NWD2: variants seen among roughly 807,000 people sequenced by gnomAD.
NWD2 encodes NACHT and WD repeat domain containing 2.
A neutral mutation model predicts 132.7 loss-of-function variants in NWD2; 37 were observed. The observed-to-expected ratio is 0.28, with a 90% CI of 0.21 to 0.37. The LOEUF (loss-of-function observed/expected upper bound fraction) is 0.37, where lower values mean the gene tolerates loss of function less well. Ranked by LOEUF, NWD2 falls within the 10% of genes least tolerant of loss-of-function variation. The pLI is 1.00. For synonymous variants in NWD2, 705 were observed against 803.0 expected, an observed-to-expected ratio of 0.88 and a Z score of 2.06; for missense variants, 1,592 against 2,122.4, an observed-to-expected ratio of 0.75 and a Z score of 4.91.
At chr4:37,400,936 A>G (rs1720885042) in intron 3 of NWD2, among the ~76,000 whole-genome samples, 1 of 152,236 alleles carries the variant, frequency 6.6e-6, no homozygotes, top group Non-Finnish European at 1.5e-5. Context: ...TCCAAACCAT[A>G]GCACTTGGAA....
chr4:37,400,334 G>A (rs1331140360), intron 3 of NWD2, among the ~76,000 whole-genome samples: 1 of 152,178 alleles, frequency 6.6e-6, no homozygotes, highest in East Asian at 1.9e-4. Context: ...TAGGGCATCT[G>A]GCTCATTCAG....
rs534168287 is a variant in NWD2, at chr4:37,362,467, C to T, written c.357+5985C>T. On this transcript the variant is annotated intron_variant, in intron 3 of 6. Coordinates refer to ENST00000309447, the MANE Select transcript of NWD2 (RefSeq NM_001144990.2). ...AAACAGCATGGTGCTGGTACAAAAACGGACACATAGACAAATGGAACAAAA... is the reference window on the plus strand; with the variant it reads ...AAACAGCATGGTGCTGGTACAAAAATGGACACATAGACAAATGGAACAAAA... Among the ~76,000 whole-genome samples, 46 of 152,302 alleles carry T rather than the reference C, an allele frequency of 3.0e-4. 1 individual carries two copies. The highest frequency in any genetic ancestry group is 3.4e-3 in the Middle Eastern group (1 of 294).
intron 1 of NWD2, among the ~76,000 whole-genome samples, chr4:37,295,065 A>G (rs1417353980): frequency 6.6e-6 from 1 of 152,216 alleles, no homozygotes; most frequent in East Asian, 1.9e-4. Flanking sequence ...GGTGCTGAGC[A>G]TAAAATAAGG....
At chr4:37,262,384 C>G (rs1035029625) in intron 1 of NWD2, among the ~76,000 whole-genome samples, 1 of 152,152 alleles carries the variant, frequency 6.6e-6, no homozygotes. Flanking sequence ...TTCTCCACAC[C>G]TTCATCAGCA....
intron 2 of NWD2, among the ~76,000 whole-genome samples, chr4:37,347,044 A>C (rs1478161968): frequency 1.3e-5 from 2 of 152,084 alleles, no homozygotes; most frequent in Admixed American, 1.3e-4. Context: ...ATCTCAAAGT[A>C]TCCCTTTCAT....
chr4:37,345,799 T>G (rs1182467949), intron 2 of NWD2, among the ~76,000 whole-genome samples: 1 of 152,146 alleles, frequency 6.6e-6, no homozygotes, highest in East Asian at 1.9e-4. Context: ...GATTTACTCC[T>G]GGCCTGGTGC....
intron 3 of NWD2, among the ~76,000 whole-genome samples, chr4:37,423,205 T>C (rs1187062440): frequency 6.6e-6 from 1 of 152,222 alleles, no homozygotes; most frequent in Non-Finnish European, 1.5e-5. Context: ...TCATGTCTGT[T>C]GGTGCCAAAA....
At chr4:37,407,273 C>T (rs542134870) in intron 3 of NWD2, among the ~76,000 whole-genome samples, 58 of 152,228 alleles carry the variant, frequency 3.8e-4, no homozygotes, top group African/African-American at 1.3e-3. Flanking sequence ...TAACTACCAA[C>T]TTATAGGGAA....
chr4:37,325,519 A>C (rs1719151271), intron 1 of NWD2, among the ~76,000 whole-genome samples: 1 of 152,146 alleles, frequency 6.6e-6, no homozygotes, highest in African/African-American at 2.4e-5. Flanking sequence ...CAATAATTAA[A>C]TTTATCAACG....
At chr4:37,370,030 G>A (rs1299845772) in intron 3 of NWD2, among the ~76,000 whole-genome samples, 1 of 152,120 alleles carries the variant, frequency 6.6e-6, no homozygotes, top group Non-Finnish European at 1.5e-5. Flanking sequence ...ATGTGCAGAT[G>A]GAATTGTAGG....
chr4:37,352,629 A>ATTT (rs1719793098), intron 2 of NWD2, among the ~76,000 whole-genome samples: 1 of 151,958 alleles, frequency 6.6e-6, no homozygotes, highest in South Asian at 2.1e-4. Flanking sequence ...TTCTTTGTCT[A>ATTT]TTTTGATCTT....
At chr4:37,269,321 C>T (rs1309646773) in intron 1 of NWD2, among the ~76,000 whole-genome samples, 1 of 151,784 alleles carries the variant, frequency 6.6e-6, no homozygotes, top group Non-Finnish European at 1.5e-5. Flanking sequence ...GGGAGCAATG[C>T]AAAACTGATG....
At chr4:37,255,977 G>T (rs1195825784) in intron 1 of NWD2, among the ~76,000 whole-genome samples, 1 of 152,178 alleles carries the variant, frequency 6.6e-6, no homozygotes, top group African/African-American at 2.4e-5. Context: ...AAAAATATTT[G>T]AAAGATGAGA....
intron 1 of NWD2, among the ~76,000 whole-genome samples, chr4:37,256,480 G>T (rs1489707036): frequency 6.6e-6 from 1 of 152,106 alleles, no homozygotes; most frequent in Non-Finnish European, 1.5e-5. Flanking sequence ...TTGTTGCTAA[G>T]CAAAGAGTAG....
rs139138063 is a variant in NWD2 at position 37,438,780 on chromosome 4, C to T, written c.707-21C>T. ...GCTCCTTTGTTCTAAGCAATAAACT[C>T]CTTCTTATATTTTCTTTCAGCTATA... On this transcript the variant is annotated intron_variant, in intron 5 of 6. Transcript: ENST00000309447. The T allele has an allele frequency of 4.2e-5, 63 of 1,502,666 alleles. No individual in the cohort carries two copies. In the East Asian group the frequency reaches 1.5e-3, roughly 35 times the overall value. The allele number at this position is 1,502,666 out of a possible 1,614,324, so 93.1% of individuals were successfully genotyped here.
chr4:37,245,079 C>G lies in NWD2; in HGVS notation c.12C>G (p.Ala4=). Residue 4 remains alanine (A), a synonymous_variant, in exon 1 of 7, where the codon GCC becomes GCG. Transcript: ENST00000309447. The stretch of plus-strand genomic sequence containing the variant: ...CCTCCCAGAGGGCGATGTGGCCGGC[C>G]GGCGCGGGCACCAAGCTGCCCTGTC... MWP[A]GAGTKLPCPR... The G allele has an allele frequency of 1.9e-6, 3 of 1,545,816 alleles. No individual in the cohort carries two copies. Among genetic ancestry groups the G allele is most frequent in the Non-Finnish European group, 2.6e-6 (3 of 1,146,454 alleles).
In NWD2 at chr4:37,449,127, T is replaced by C. The variant is rs1039301709; in HGVS notation, c.*1910T>C. The C allele has an allele frequency of 2.0e-5, 3 of 152,212 alleles. No individual in the cohort carries two copies. Among genetic ancestry groups the C allele is most frequent in the African/African-American group, 7.2e-5 (3 of 41,456 alleles). The allele number at this position is 152,212 out of a possible 1,614,324, so 9.4% of individuals were successfully genotyped here. ...AGGCAACACATTCTCATTCCTGTCA[T>C]TATCAGTTGAACCTCCATGCCACAC... On this transcript the variant is annotated 3_prime_UTR_variant, in exon 7 of 7. Transcript: ENST00000309447.
At chr4:37,270,619 T>G (rs1230946684) in intron 1 of NWD2, among the ~76,000 whole-genome samples, 1 of 151,816 alleles carries the variant, frequency 6.6e-6, no homozygotes, top group Non-Finnish European at 1.5e-5. Context: ...TTGGGTCATT[T>G]GTCTTTTTTT....
intron 1 of NWD2, among the ~76,000 whole-genome samples, chr4:37,317,951 C>T (rs538391839): frequency 4.8e-4 from 72 of 151,040 alleles, no homozygotes; most frequent in Middle Eastern, 3.5e-3. Context: ...ACAAACTATT[C>T]GCTCATTCAT....
Sources: allele counts gnomAD v4.1 joint callset (sites outside exome capture counted in the v4.1 genomes callset), GRCh38; gene constraint gnomAD v4.1.1; transcripts MANE v1.5; gene names NCBI Gene and HGNC (gene_info 2026-07-23, HGNC 2026-07-21).